RAD54B: variants seen among roughly 807,000 people sequenced by gnomAD.
The protein encoded by RAD54B is DNA repair and recombination protein RAD54B.
In RAD54B, 78 loss-of-function variants were observed where a neutral mutation model predicts 95.8. The observed-to-expected ratio is 0.81, with a 90% CI of 0.68 to 0.98. The LOEUF is 0.98. Ranked by LOEUF, RAD54B falls within the 50% of genes least tolerant of loss-of-function variation. The probability of loss-of-function intolerance (pLI) is 0.00; values close to 1 mark genes in which losing one functional copy is unlikely to be tolerated. For synonymous variants in RAD54B, 328 were observed against 354.9 expected (o/e 0.92, Z 0.85); for missense variants, 957 against 1,056.6 (o/e 0.91, Z 1.31).
In RAD54B at chr8:94,407,690, T is replaced by A. The variant is rs1811429037; in HGVS notation, c.530A>T (p.Lys177Met). ...GIGYKFKELE[K>M]IEEGQTLMIC... ...CATCAGTGTTTGGCCCTCTTCAATCTTTTCAAGCTCTTTGAATTTATAACC... is the reference window on the plus strand; with the variant it reads ...CATCAGTGTTTGGCCCTCTTCAATCATTTCAAGCTCTTTGAATTTATAACC... Residue 177 changes from lysine to methionine, a missense_variant, in exon 5 of 15, where the codon AAG (lysine) becomes ATG (methionine). Physicochemically the swap from Lys to Met is moderately conservative, Grantham distance 95. Transcript: ENST00000336148. 6.2e-7 allele frequency: 1 copy of A among 1,612,832 alleles called. No homozygotes were observed.
intron 2 of RAD54B, among the ~76,000 whole-genome samples, chr8:94,466,597 G>A (rs973541133): frequency 1.3e-5 from 2 of 151,960 alleles, no homozygotes; most frequent in South Asian, 2.1e-4. Flanking sequence ...TAGTAGAGAC[G>A]GAGTTTCACC....
intron 3 of RAD54B, among the ~76,000 whole-genome samples, chr8:94,425,959 T>C (rs1811931286): frequency 6.6e-6 from 1 of 152,172 alleles, no homozygotes. Context: ...AAGGGCGTTT[T>C]GTTTCGTTTT....
At position 94,474,625 on chromosome 8, in the gene RAD54B, G is replaced by A. The variant is rs139905870; in HGVS notation, c.-17+376C>T. 1.3e-3 allele frequency among the ~76,000 whole-genome samples: 204 copies of A among 152,284 alleles called. 2 individuals carry two copies. Among genetic ancestry groups the A allele is most frequent in the African/African-American group, 4.7e-3 (197 of 41,552 alleles). ...CGACACTCTCCAGGACGCTCGCAGA[G>A]CCTTCACCCCCTGGCCCTGGGGAAG... On this transcript the variant is annotated intron_variant, in intron 1 of 14. Coordinates refer to ENST00000336148, the MANE Select transcript of RAD54B (RefSeq NM_012415.3).
chr8:94,464,319 C>A (rs148882472), intron 2 of RAD54B, among the ~76,000 whole-genome samples: 1 of 152,030 alleles, frequency 6.6e-6, no homozygotes, highest in Non-Finnish European at 1.5e-5. Context: ...GCTATGAAGA[C>A]GGAAGAAGGG....
At chr8:94,397,979 G>A (rs780201237) in intron 8 of RAD54B, among the ~76,000 whole-genome samples, 3 of 151,754 alleles carry the variant, frequency 2.0e-5, no homozygotes, top group Non-Finnish European at 4.4e-5. Flanking sequence ...CAAGTATAAC[G>A]AATCCACTCA....
intron 3 of RAD54B, among the ~76,000 whole-genome samples, chr8:94,433,417 G>A (rs1812168393): frequency 6.6e-6 from 1 of 151,814 alleles, no homozygotes; most frequent in Non-Finnish European, 1.5e-5. Context: ...GAACCTAGTA[G>A]GTGCTCATTA....
chr8:94,384,930 A>C (rs1167715526), intron 11 of RAD54B, among the ~76,000 whole-genome samples: 1 of 152,036 alleles, frequency 6.6e-6, no homozygotes, highest in African/African-American at 2.4e-5. Context: ...ATGGTGAAAC[A>C]CCGTCTCTAC....
chr8:94,431,808 T>C (rs1387071059), intron 3 of RAD54B: 4 of 1,012,084 alleles, frequency 4.0e-6, no homozygotes, highest in Non-Finnish European at 3.6e-6. Flanking sequence ...CTAAAAATGT[T>C]GAAGACTCAG....
intron 8 of RAD54B, among the ~76,000 whole-genome samples, chr8:94,398,167 T>C (rs1477939880): frequency 6.6e-6 from 1 of 152,092 alleles, no homozygotes; most frequent in Non-Finnish European, 1.5e-5. Context: ...ATCTTGGGGG[T>C]ATAACTATGA....
intron 3 of RAD54B, chr8:94,430,373 T>G: frequency 2.0e-6 from 2 of 985,126 alleles, no homozygotes; most frequent in Non-Finnish European, 2.4e-6. Context: ...CATCCAAATT[T>G]ATATCCCTCA....
chr8:94,406,829 A>T (rs1396617717), intron 5 of RAD54B, among the ~76,000 whole-genome samples: 2 of 152,170 alleles, frequency 1.3e-5, no homozygotes, highest in East Asian at 3.9e-4. Context: ...TGACAGTTTT[A>T]TCTTTAGGCC....
intron 3 of RAD54B, among the ~76,000 whole-genome samples, chr8:94,420,436 A>AT (rs1811776306): frequency 6.7e-6 from 1 of 148,952 alleles, no homozygotes; most frequent in South Asian, 2.1e-4. Context: ...TTTTTTTCGT[A>AT]TTTTCAATAG....
At chr8:94,404,718 TATTA>T (rs1236561484) in intron 5 of RAD54B, among the ~76,000 whole-genome samples, 4 of 152,214 alleles carry the variant, frequency 2.6e-5, no homozygotes, top group African/African-American at 9.6e-5. Context: ...TCATTACTCC[TATTA>T]ATTAGAACTG....
At chr8:94,428,690 G>A in intron 3 of RAD54B, 1 of 880,980 alleles carries the variant, frequency 1.1e-6, no homozygotes, top group East Asian at 1.2e-4. Flanking sequence ...ATCCACAGTA[G>A]TTCAATCTGC....
intron 3 of RAD54B, among the ~76,000 whole-genome samples, chr8:94,433,850 T>C: frequency 6.6e-6 from 1 of 151,846 alleles, no homozygotes; most frequent in East Asian, 1.9e-4. Flanking sequence ...GAATACATTC[T>C]ACATGGATGA....
At chr8:94,407,187 GAT>G (rs1160739238) in intron 5 of RAD54B, among the ~76,000 whole-genome samples, 3 of 152,018 alleles carry the variant, frequency 2.0e-5, no homozygotes, top group African/African-American at 7.2e-5. Flanking sequence ...ATACAATTTA[GAT>G]ATGTTTCCTT....
At chr8:94,430,830 A>T in intron 3 of RAD54B, 1 of 985,432 alleles carries the variant, frequency 1.0e-6, no homozygotes, top group Non-Finnish European at 1.2e-6. Context: ...CAGCTACCCT[A>T]CCTAGTCCAG....
At position 94,462,900 on chromosome 8, in the gene RAD54B, G is replaced by A. The variant is rs181157611; in HGVS notation, c.136-4464C>T. ...ACATCAAAAAACAAATCTTGGCCAGGCATGGTGGCTCACACCTGTAATCCC... is the reference window on the plus strand; with the variant it reads ...ACATCAAAAAACAAATCTTGGCCAGACATGGTGGCTCACACCTGTAATCCC... On this transcript the variant is annotated intron_variant, in intron 2 of 14. Transcript: ENST00000336148. Among the ~76,000 whole-genome samples, 7 of 152,248 alleles carry A rather than the reference G, an allele frequency of 4.6e-5. No individual in the cohort carries two copies. The East Asian group carries it at 1.2e-3, about 25-fold the overall frequency.
chr8:94,374,905 T>C (rs1434798148), intron 14 of RAD54B, among the ~76,000 whole-genome samples: 2 of 152,220 alleles, frequency 1.3e-5, no homozygotes, highest in South Asian at 2.1e-4. Context: ...TAAAGAACTA[T>C]GGTTTTTAAA....
Sources: gnomAD v4.1 joint callset for allele counts (sites outside exome capture counted in the v4.1 genomes callset) on GRCh38, gnomAD v4.1.1 for gene constraint, MANE v1.5 for transcripts, NCBI Gene and HGNC (gene_info 2026-07-23, HGNC 2026-07-21) for gene names.